Variants in VWA8 observed in about 807,000 individuals in gnomAD.
VWA8 encodes von Willebrand factor A domain containing 8.
Under a neutral mutation model 241.5 loss-of-function variants are expected in VWA8, and 221 were observed. The ratio of observed to expected loss-of-function variants is 0.91; its 90% CI spans 0.82 to 1.02. The LOEUF is 1.02. Ranked by LOEUF, VWA8 falls within the 50% of genes least tolerant of loss-of-function variation. The pLI, the probability that VWA8 is intolerant of heterozygous loss-of-function variation, is 0.00. For missense variants in VWA8, 2,322 were observed against 2,328.7 expected (o/e 1.00, Z 0.06); for synonymous variants, 852 against 827.1 (o/e 1.03, Z -0.52).
intron 37 of VWA8, among the ~76,000 whole-genome samples, chr13:41,649,093 G>A (rs760455260): frequency 4.6e-5 from 7 of 152,164 alleles, no homozygotes; most frequent in African/African-American, 1.4e-4. Flanking sequence ...GCTGAGGCAC[G>A]AGAATCACTT....
At chr13:41,821,597 TAAG>T (rs1303436173) in intron 14 of VWA8, among the ~76,000 whole-genome samples, 3 of 151,914 alleles carry the variant, frequency 2.0e-5, no homozygotes, top group Non-Finnish European at 4.4e-5. Flanking sequence ...AATTTAAAAT[TAAG>T]GTTAGGTTTA....
intron 21 of VWA8, among the ~76,000 whole-genome samples, chr13:41,744,644 G>T (rs1401341854): frequency 1.3e-5 from 2 of 152,054 alleles, no homozygotes; most frequent in Non-Finnish European, 2.9e-5. Context: ...TAAGGAGAAA[G>T]TTGGGAGGTA....
At chr13:41,807,927 G>A (rs1280428473) in intron 17 of VWA8, 1 of 152,098 alleles carries the variant, frequency 6.6e-6, no homozygotes, top group African/African-American at 2.4e-5. Context: ...TCGCGCCTGT[G>A]AATAGCCACT....
intron 2 of VWA8, among the ~76,000 whole-genome samples, chr13:41,922,790 T>C (rs780738879): frequency 1.4e-4 from 22 of 152,128 alleles, no homozygotes; most frequent in Non-Finnish European, 2.5e-4. Flanking sequence ...AAACAACAGG[T>C]TCTAGAGAGG....
intron 9 of VWA8, among the ~76,000 whole-genome samples, chr13:41,873,070 T>C (rs898751144): frequency 2.0e-5 from 3 of 152,294 alleles, no homozygotes; most frequent in African/African-American, 4.8e-5. Flanking sequence ...TTTGAAGCAA[T>C]TGTGAATGAC....
At chr13:41,831,871 C>T (rs987779985) in intron 13 of VWA8, among the ~76,000 whole-genome samples, 3 of 151,916 alleles carry the variant, frequency 2.0e-5, no homozygotes, top group South Asian at 4.2e-4. Flanking sequence ...CCGCCCACCT[C>T]GGTCTCCCAA....
At chr13:41,812,706 A>G (rs1013767391) in intron 16 of VWA8, among the ~76,000 whole-genome samples, 6 of 152,158 alleles carry the variant, frequency 3.9e-5, no homozygotes, top group Admixed American at 1.3e-4. Flanking sequence ...CTACAACATT[A>G]GTATTATATT....
At chr13:41,758,392 ACGC>A (rs1316523424) in intron 21 of VWA8, among the ~76,000 whole-genome samples, 410 of 14,746 alleles carry the variant, frequency 0.028, 2 homozygotes, top group Non-Finnish European at 0.044. Context: ...ATATATATAT[ACGC>A]TAGTATATAT....
In VWA8 at chr13:41,811,311, G is replaced by A; in HGVS notation, c.1977C>T (p.Thr659=). 2 of 1,610,624 alleles carry A rather than the reference G, an allele frequency of 1.2e-6. No individual in the cohort carries two copies. The highest frequency in any genetic ancestry group is 1.1e-5 in the South Asian group (1 of 90,778). The change falls in exon 17 of 45, where the codon ACC becomes ACT. Residue 659 remains threonine, a synonymous_variant. Transcript: ENST00000379310. ...TAQSLAASLS[T]RQLLRISRRL... is the part of the protein sequence containing the mutation. ...GACGAGAAATTCGCAACAGTTGTCT[G>A]GTAGAAAGTGATGCCGCTAATGATT...
intron 5 of VWA8, among the ~76,000 whole-genome samples, chr13:41,891,217 A>G (rs1224807651): frequency 6.6e-6 from 1 of 151,780 alleles, no homozygotes; most frequent in African/African-American, 2.4e-5. Flanking sequence ...AAAAAAAGAC[A>G]GTAAAAATCT....
intron 12 of VWA8, among the ~76,000 whole-genome samples, chr13:41,861,598 G>C (rs1593824756): frequency 6.6e-6 from 1 of 152,168 alleles, no homozygotes; most frequent in Non-Finnish European, 1.5e-5. Context: ...CTACAGTAAA[G>C]TTTCAGGATA....
At chr13:41,817,487 G>C (rs1363556322) in intron 15 of VWA8, among the ~76,000 whole-genome samples, 1 of 152,190 alleles carries the variant, frequency 6.6e-6, no homozygotes, top group Non-Finnish European at 1.5e-5. Flanking sequence ...GACTAGGACA[G>C]TGTCACAATT....
chr13:41,950,512 G>A (rs1878080091), intron 1 of VWA8, among the ~76,000 whole-genome samples: 1 of 151,844 alleles, frequency 6.6e-6, no homozygotes, highest in Admixed American at 6.6e-5. Context: ...GGGATTACAG[G>A]CGCCTGCCAC....
At chr13:41,649,657 T>C (rs1172981703) in intron 37 of VWA8, among the ~76,000 whole-genome samples, 1 of 150,670 alleles carries the variant, frequency 6.6e-6, no homozygotes, top group Non-Finnish European at 1.5e-5. Flanking sequence ...CAAAGGTTTA[T>C]TGCTGGGGGG....
intron 39 of VWA8, among the ~76,000 whole-genome samples, chr13:41,609,388 T>G (rs2044573162): frequency 6.6e-6 from 1 of 152,222 alleles, no homozygotes; most frequent in Non-Finnish European, 1.5e-5. Flanking sequence ...TGTGAGTTTG[T>G]ATTTTTTTGT....
At chr13:41,798,355 C>CT (rs1316472314) in intron 17 of VWA8, among the ~76,000 whole-genome samples, 1 of 152,080 alleles carries the variant, frequency 6.6e-6, no homozygotes, top group Non-Finnish European at 1.5e-5. Flanking sequence ...TTTAGTAGTT[C>CT]TTTAAGTAGT....
intron 2 of VWA8, among the ~76,000 whole-genome samples, chr13:41,944,400 T>C (rs1222380928): frequency 2.0e-5 from 3 of 152,148 alleles, no homozygotes; most frequent in Non-Finnish European, 2.9e-5. Context: ...AGGGTCTCAC[T>C]CTGTTGTTCA....
At chr13:41,910,237 C>G (rs1022067525) in intron 3 of VWA8, among the ~76,000 whole-genome samples, 1 of 152,138 alleles carries the variant, frequency 6.6e-6, no homozygotes, top group Non-Finnish European at 1.5e-5. Context: ...TTGCCAAAAA[C>G]AAAATCTCAG....
At chr13:41,881,462 C>A (rs949473678) in intron 9 of VWA8, among the ~76,000 whole-genome samples, 1 of 136,518 alleles carries the variant, frequency 7.3e-6, no homozygotes, top group Admixed American at 7.8e-5. Context: ...CCATGTCTAC[C>A]TCTTTCTACA....
Sources: allele counts gnomAD v4.1 joint callset (sites outside exome capture counted in the v4.1 genomes callset), GRCh38; gene constraint gnomAD v4.1.1; transcripts MANE v1.5; gene names NCBI Gene and HGNC (gene_info 2026-07-23, HGNC 2026-07-21).